Variants in CSRP2 observed in about 807,000 individuals in gnomAD.
CSRP2 encodes cysteine and glycine-rich protein 2.
Under a neutral mutation model 24.6 loss-of-function variants are expected in CSRP2, and 18 were observed. The ratio of observed to expected loss-of-function variants is 0.73; its 90% CI spans 0.51 to 1.09. The LOEUF is 1.09. Ranked by LOEUF, CSRP2 falls within the 50% of genes least tolerant of loss-of-function variation. The pLI is 0.00. For missense variants in CSRP2, 215 were observed against 239.4 expected (o/e 0.90, Z 0.67); for synonymous variants, 87 against 84.3 (o/e 1.03, Z -0.18).
chr12:76,862,700 G>T, intron 3 of CSRP2: 3 of 1,245,692 alleles, frequency 2.4e-6, no homozygotes, highest in Non-Finnish European at 3.1e-6. Context: ...TCAAAAATAA[G>T]AAGTAATTTC....
chr12:76,864,779 CA>C (rs1953719036), intron 2 of CSRP2: 2 of 152,150 alleles, frequency 1.3e-5, no homozygotes, highest in Non-Finnish European at 2.9e-5. Context: ...AATGAAATGG[CA>C]TCTACTCTGG....
At chr12:76,862,682 T>G in intron 3 of CSRP2, 1 of 1,202,630 alleles carries the variant, frequency 8.3e-7, no homozygotes, top group Non-Finnish European at 1.1e-6. Context: ...CACTACTCTC[T>G]CAAAGAATCA....
Sources: gnomAD v4.1 joint callset for allele counts on GRCh38, gnomAD v4.1.1 for gene constraint, MANE v1.5 for transcripts, NCBI Gene and HGNC (gene_info 2026-07-23, HGNC 2026-07-21) for gene names.